The following PRKCA variants were observed in gnomAD, a reference collection of about 807,000 sequenced individuals.
The protein encoded by PRKCA is protein kinase C alpha type.
A neutral mutation model predicts 87.0 loss-of-function variants in PRKCA; 27 were observed. The observed-to-expected ratio is 0.31, with a 90% CI of 0.23 to 0.43. The LOEUF (loss-of-function observed/expected upper bound fraction) is 0.43, where lower values mean the gene tolerates loss of function less well. Ranked by LOEUF, PRKCA falls within the 20% of genes least tolerant of loss-of-function variation. The pLI is 1.00. For synonymous variants in PRKCA, 329 were observed against 311.1 expected (o/e 1.06, Z -0.61); for missense variants, 518 against 852.3 (o/e 0.61, Z 4.88).
chr17:66,562,683 A>G (rs1244118241), intron 3 of PRKCA, among the ~76,000 whole-genome samples: 3 of 151,742 alleles, frequency 2.0e-5, no homozygotes, highest in Non-Finnish European at 4.4e-5. Context: ...TGCAACCTCC[A>G]TCTCCTGGGT....
At chr17:66,452,522 G>A (rs75534055) in intron 2 of PRKCA, among the ~76,000 whole-genome samples, 2,172 of 152,272 alleles carry the variant, frequency 0.014, 56 homozygotes, top group African/African-American at 0.05. Flanking sequence ...AATGTTGTGC[G>A]TTCTGAGAAC....
At chr17:66,527,787 C>G (rs926172668) in intron 3 of PRKCA, among the ~76,000 whole-genome samples, 3 of 152,184 alleles carry the variant, frequency 2.0e-5, no homozygotes, top group Non-Finnish European at 2.9e-5. Context: ...TTTTCCACCC[C>G]CTTAAAATAT....
At chr17:66,624,686 C>T (rs190692334) in intron 3 of PRKCA, among the ~76,000 whole-genome samples, 1 of 152,054 alleles carries the variant, frequency 6.6e-6, no homozygotes, top group Admixed American at 6.6e-5. Flanking sequence ...CCTGTAATCC[C>T]AGCTACTCTG....
intron 16 of PRKCA, among the ~76,000 whole-genome samples, chr17:66,790,653 C>T (rs774531350): frequency 3.9e-5 from 6 of 152,178 alleles, no homozygotes; most frequent in Non-Finnish European, 7.3e-5. Flanking sequence ...GTACTGACCC[C>T]GCCTTGAGGG....
At chr17:66,776,057 G>A (rs1975038587) in intron 14 of PRKCA, among the ~76,000 whole-genome samples, 1 of 152,218 alleles carries the variant, frequency 6.6e-6, no homozygotes, top group Non-Finnish European at 1.5e-5. Context: ...GAGCCACCAC[G>A]CGAAGGCCCT....
intron 2 of PRKCA, among the ~76,000 whole-genome samples, chr17:66,370,549 CTTT>C (rs555797425): frequency 2.6e-5 from 3 of 113,662 alleles, no homozygotes; most frequent in Admixed American, 9.0e-5. Context: ...CTTTTCTTTT[CTTT>C]TTTTTTTTTT....
At chr17:66,443,918 G>A (rs1451691309) in intron 2 of PRKCA, among the ~76,000 whole-genome samples, 1 of 152,254 alleles carries the variant, frequency 6.6e-6, no homozygotes, top group East Asian at 1.9e-4. Context: ...ACCCAGAAAC[G>A]CAGGCGGTCA....
intron 2 of PRKCA, among the ~76,000 whole-genome samples, chr17:66,336,462 T>C (rs1906667002): frequency 6.6e-6 from 1 of 152,130 alleles, no homozygotes; most frequent in African/African-American, 2.4e-5. Flanking sequence ...GAAATGGAGC[T>C]CAAGGAAGAA....
chr17:66,329,398 C>A (rs1906189018), intron 2 of PRKCA, among the ~76,000 whole-genome samples: 1 of 152,124 alleles, frequency 6.6e-6, no homozygotes, highest in African/African-American at 2.4e-5. Context: ...GGGAAGGCAG[C>A]TGGATTTAGG....
At chr17:66,377,905 C>G (rs745519827) in intron 2 of PRKCA, among the ~76,000 whole-genome samples, 28 of 151,296 alleles carry the variant, frequency 1.9e-4, no homozygotes, top group Non-Finnish European at 3.7e-4. Context: ...AGGCATGAGC[C>G]CCTATCCCTG....
intron 8 of PRKCA, among the ~76,000 whole-genome samples, chr17:66,721,546 A>C (rs67177242): frequency 0.15 from 22,699 of 152,116 alleles, 2,177 homozygotes; most frequent in South Asian, 0.27. Flanking sequence ...GGCAATTCCC[A>C]GCACTGAGGG....
chr17:66,799,619 G>T (rs1483685958), intron 16 of PRKCA, among the ~76,000 whole-genome samples: 1 of 67,764 alleles, frequency 1.5e-5, no homozygotes, highest in East Asian at 4.8e-4. Context: ...GGTGGTGGTG[G>T]TGGTGATGGT....
intron 2 of PRKCA, among the ~76,000 whole-genome samples, chr17:66,414,375 C>T (rs1286001013): frequency 6.6e-6 from 1 of 152,196 alleles, no homozygotes; most frequent in Non-Finnish European, 1.5e-5. Context: ...TGCCTCCCTC[C>T]CGCTTTGCCT....
At chr17:66,520,262 G>A (rs1004408366) in intron 3 of PRKCA, among the ~76,000 whole-genome samples, 3 of 151,410 alleles carry the variant, frequency 2.0e-5, no homozygotes, top group East Asian at 3.9e-4. Context: ...CTGGGATTAC[G>A]GGTGCCTACC....
At chr17:66,700,099 G>A (rs986590767) in intron 8 of PRKCA, among the ~76,000 whole-genome samples, 2 of 152,194 alleles carry the variant, frequency 1.3e-5, no homozygotes, top group African/African-American at 2.4e-5. Context: ...ACATTTAAAG[G>A]ATGATATGCT....
intron 2 of PRKCA, among the ~76,000 whole-genome samples, chr17:66,467,367 T>C (rs1915131296): frequency 6.6e-6 from 1 of 152,222 alleles, no homozygotes; most frequent in African/African-American, 2.4e-5. Context: ...GTGCTATAAC[T>C]GGCTGATTTA....
At chr17:66,488,540 C>T (rs1916085141) in intron 2 of PRKCA, among the ~76,000 whole-genome samples, 1 of 152,206 alleles carries the variant, frequency 6.6e-6, no homozygotes, top group Admixed American at 6.5e-5. Flanking sequence ...TCACATCCCA[C>T]ATTCAATCTC....
chr17:66,583,043 C>G (rs1049428439), intron 3 of PRKCA, among the ~76,000 whole-genome samples: 4 of 152,212 alleles, frequency 2.6e-5, no homozygotes, highest in African/African-American at 9.7e-5. Context: ...ATAGCACCTA[C>G]TGCATAGTGG....
intron 2 of PRKCA, among the ~76,000 whole-genome samples, chr17:66,352,557 G>GT (rs1907805762): frequency 1.9e-4 from 17 of 90,286 alleles, no homozygotes; most frequent in African/African-American, 3.1e-5. Context: ...TGTTTTTTGA[G>GT]GTTTTTTTTT....
Sources: allele counts gnomAD v4.1 joint callset (sites outside exome capture counted in the v4.1 genomes callset), GRCh38; gene constraint gnomAD v4.1.1; transcripts MANE v1.5; gene names NCBI Gene and HGNC (gene_info 2026-07-23, HGNC 2026-07-21).